CTNND2: variants seen among roughly 807,000 people sequenced by gnomAD.
CTNND2 encodes catenin delta-2.
A neutral mutation model predicts 144.4 loss-of-function variants in CTNND2; 22 were observed. The observed-to-expected ratio is 0.15, with a 90% CI of 0.11 to 0.22. The LOEUF is 0.22. Among genes scored for constraint, CTNND2 ranks in the 10% least tolerant of loss-of-function variants. CTNND2 has a pLI of 1.00. For missense variants in CTNND2, 1,353 were observed against 1,618.8 expected (o/e 0.84, Z 2.82); for synonymous variants, 751 against 695.6 (o/e 1.08, Z -1.25).
intron 18 of CTNND2, among the ~76,000 whole-genome samples, chr5:11,017,465 A>C (rs1038632008): frequency 6.6e-6 from 1 of 151,802 alleles, no homozygotes; most frequent in African/African-American, 2.4e-5. Context: ...TGGGCCAGAC[A>C]GTTGAGTCTC....
At chr5:11,272,043 A>T (rs866815145) in intron 9 of CTNND2, among the ~76,000 whole-genome samples, 2 of 152,218 alleles carry the variant, frequency 1.3e-5, no homozygotes, top group African/African-American at 4.8e-5. Flanking sequence ...TGTTATAAAA[A>T]TATTTCCTTT....
chr5:11,248,836 G>A (rs977047695), intron 9 of CTNND2, among the ~76,000 whole-genome samples: 14 of 152,144 alleles, frequency 9.2e-5, no homozygotes, highest in East Asian at 3.9e-4. Context: ...ACGGTTTACC[G>A]GAGTCTAGTC....
chr5:11,472,382 T>A (rs2149957648), intron 3 of CTNND2, among the ~76,000 whole-genome samples: 1 of 152,364 alleles, frequency 6.6e-6, no homozygotes, highest in South Asian at 2.1e-4. Flanking sequence ...TTACTTCTCA[T>A]TAATCTTATC....
intron 2 of CTNND2, among the ~76,000 whole-genome samples, chr5:11,698,178 G>C (rs1234349963): frequency 6.6e-6 from 1 of 151,982 alleles, no homozygotes; most frequent in Admixed American, 6.6e-5. Flanking sequence ...GCCCATTTCA[G>C]AAACAGTTCA....
chr5:11,424,080 C>T (rs550064113), intron 3 of CTNND2, among the ~76,000 whole-genome samples: 6 of 152,190 alleles, frequency 3.9e-5, no homozygotes, highest in Non-Finnish European at 7.3e-5. Flanking sequence ...CTGAAAGTTT[C>T]GTTAAAAAGT....
chr5:11,899,167 G>C (rs1351204567), intron 1 of CTNND2, among the ~76,000 whole-genome samples: 3 of 152,098 alleles, frequency 2.0e-5, no homozygotes, highest in Non-Finnish European at 4.4e-5. Flanking sequence ...AGCTGTTTAA[G>C]GTTTCTTTTT....
intron 2 of CTNND2, among the ~76,000 whole-genome samples, chr5:11,731,350 G>A (rs1228584867): frequency 6.6e-6 from 1 of 152,096 alleles, no homozygotes; most frequent in Non-Finnish European, 1.5e-5. Flanking sequence ...TTAGGCTCTC[G>A]CTCTGCTGAG....
chr5:11,038,227 T>G (rs1280686388), intron 16 of CTNND2, among the ~76,000 whole-genome samples: 1 of 152,148 alleles, frequency 6.6e-6, no homozygotes, highest in African/African-American at 2.4e-5. Context: ...GGAACAATAC[T>G]GGTCCATGGC....
intron 21 of CTNND2, among the ~76,000 whole-genome samples, chr5:10,974,304 A>T (rs778667012): frequency 6.6e-6 from 1 of 152,198 alleles, no homozygotes; most frequent in African/African-American, 2.4e-5. Context: ...CCACTGTATG[A>T]TGTGCATTGC....
At chr5:11,334,570 G>A (rs528182359) in intron 9 of CTNND2, among the ~76,000 whole-genome samples, 2 of 152,292 alleles carry the variant, frequency 1.3e-5, no homozygotes, top group African/African-American at 2.4e-5. Context: ...AAGACTGGAC[G>A]CCCTCTGCCG....
At chr5:11,075,373 T>C (rs1748834589) in intron 16 of CTNND2, among the ~76,000 whole-genome samples, 2 of 152,174 alleles carry the variant, frequency 1.3e-5, no homozygotes, top group Admixed American at 1.3e-4. Flanking sequence ...AATAGGAACA[T>C]ATGGGGGCGT....
At chr5:11,474,610 G>A (rs1389540779) in intron 3 of CTNND2, among the ~76,000 whole-genome samples, 2 of 152,168 alleles carry the variant, frequency 1.3e-5, no homozygotes, top group African/African-American at 2.4e-5. Flanking sequence ...AGACACCAAC[G>A]CAGGTGTCTC....
At chr5:11,247,121 T>G (rs1267582263) in intron 9 of CTNND2, among the ~76,000 whole-genome samples, 1 of 152,142 alleles carries the variant, frequency 6.6e-6, no homozygotes, top group Non-Finnish European at 1.5e-5. Flanking sequence ...TGGGTATCAA[T>G]TACACCTGGA....
chr5:11,139,998 T>C (rs1362278540), intron 12 of CTNND2, among the ~76,000 whole-genome samples: 2 of 152,218 alleles, frequency 1.3e-5, no homozygotes, highest in Non-Finnish European at 2.9e-5. Flanking sequence ...CTCTTTCACA[T>C]GTAAGAATCC....
intron 7 of CTNND2, among the ~76,000 whole-genome samples, chr5:11,378,281 C>A (rs1006256502): frequency 6.6e-6 from 1 of 152,134 alleles, no homozygotes; most frequent in Non-Finnish European, 1.5e-5. Flanking sequence ...ACACCTGGGG[C>A]AGGCAATGGG....
At chr5:11,809,545 T>A (rs1792202795) in intron 1 of CTNND2, among the ~76,000 whole-genome samples, 1 of 152,144 alleles carries the variant, frequency 6.6e-6, no homozygotes, top group Non-Finnish European at 1.5e-5. Flanking sequence ...ATGGTGGAAA[T>A]TCATATGTCA....
intron 1 of CTNND2, among the ~76,000 whole-genome samples, chr5:11,830,775 G>A (rs993715814): frequency 1.4e-4 from 22 of 152,092 alleles, no homozygotes; most frequent in African/African-American, 5.3e-4. Flanking sequence ...CAGAGCACCC[G>A]GACTCCTTAC....
At chr5:11,798,955 G>A (rs1341484435) in intron 1 of CTNND2, among the ~76,000 whole-genome samples, 2 of 152,094 alleles carry the variant, frequency 1.3e-5, no homozygotes, top group African/African-American at 2.4e-5. Context: ...TTAATGTGCA[G>A]AAATTAAGGG....
intron 15 of CTNND2, among the ~76,000 whole-genome samples, chr5:11,096,509 G>A (rs1202984034): frequency 1.3e-5 from 2 of 152,094 alleles, no homozygotes; most frequent in African/African-American, 4.8e-5. Context: ...CTTTTTTATG[G>A]ATGCATAGTA....
Sources: gnomAD v4.1 joint callset for allele counts (sites outside exome capture counted in the v4.1 genomes callset) on GRCh38, gnomAD v4.1.1 for gene constraint, MANE v1.5 for transcripts, NCBI Gene and HGNC (gene_info 2026-07-23, HGNC 2026-07-21) for gene names.